The following CC2D2A variants were observed in gnomAD, a reference collection of about 807,000 sequenced individuals.
CC2D2A encodes the protein coiled-coil and C2 domain containing 2A.
Under a neutral mutation model 212.9 loss-of-function variants are expected in CC2D2A, and 155 were observed. The observed-to-expected ratio is 0.73, with a 90% confidence interval of 0.64 to 0.83. The LOEUF (loss-of-function observed/expected upper bound fraction) is 0.83, where lower values mean the gene tolerates loss of function less well. Ranked by LOEUF, CC2D2A falls within the 40% of genes least tolerant of loss-of-function variation. The pLI, the probability that CC2D2A is intolerant of heterozygous loss-of-function variation, is 0.00. For missense variants in CC2D2A, 1,856 were observed against 1,956.2 expected (o/e 0.95, Z 0.97); for synonymous variants, 667 against 686.5 (o/e 0.97, Z 0.44).
intron 27 of CC2D2A, among the ~76,000 whole-genome samples, chr4:15,569,815 G>T (rs1479583833): frequency 6.6e-6 from 1 of 152,136 alleles, no homozygotes; most frequent in Non-Finnish European, 1.5e-5. Flanking sequence ...AAGATACCGG[G>T]ATATCAGGAC....
At position 15,502,376 on chromosome 4, in the gene CC2D2A, C is replaced by CTTTTA; in HGVS notation, c.248-49_248-48insATTTT. On this transcript the variant is annotated intron_variant, in intron 4 of 36. Transcript: ENST00000424120. The stretch of plus-strand genomic sequence containing the variant: ...TTGTTTTAAAGTAATTTTCCTTTTT[C>CTTTTA]TTTTCTTTTTCTTTTTTTTTTATTT... 2.1e-6 allele frequency: 3 copies of CTTTTA among 1,430,010 alleles called. No homozygotes were observed. In the South Asian group the frequency reaches 4.1e-5, roughly 20 times the overall value. 88.6% of individuals were successfully genotyped at this position (1,430,010 alleles called of 1,614,324 possible). A position where few individuals can be genotyped will look rare whatever the true frequency, so the allele number is the denominator to read the frequency against.
Position 15,555,135 on chromosome 4 carries a change from A to G in CC2D2A, c.2550A>G (p.Lys850=). The change falls in exon 20 of 37, where the codon AAA becomes AAG. Residue 850 remains lysine, a synonymous_variant. Transcript: ENST00000424120. ...IGTSGLTDMK[K]LAKWAAESKL... ...CATCAGGACTGACAGACATGAAAAA[A>G]TTGGCCAAGTGGGCAGCAGAGTCCA... 1 of 1,613,870 alleles carries G rather than the reference A, an allele frequency of 6.2e-7. No homozygotes were observed.
At chr4:15,589,521 G>C (rs1458008090) in intron 32 of CC2D2A, 24 bp from the exon 33 acceptor site, 1 of 1,604,046 alleles carries the variant, frequency 6.2e-7, no homozygotes, top group African/African-American at 1.3e-5. Context: ...TTGAAAACTA[G>C]TTTTAATGGC....
At chr4:15,473,113 G>A (rs1713947905) in intron 1 of CC2D2A, 1 of 152,226 alleles carries the variant, frequency 6.6e-6, no homozygotes, top group East Asian at 1.9e-4. Flanking sequence ...CAATAAGTCA[G>A]TGACTTAATC....
intron 33 of CC2D2A, among the ~76,000 whole-genome samples, chr4:15,590,072 T>C (rs1721030286): frequency 6.6e-6 from 1 of 152,144 alleles, no homozygotes; most frequent in South Asian, 2.1e-4. Flanking sequence ...ACAGATTGGG[T>C]TTCTCTGTCT....
At chr4:15,590,343 C>T (rs200595961) in intron 33 of CC2D2A, among the ~76,000 whole-genome samples, 3 of 152,148 alleles carry the variant, frequency 2.0e-5, no homozygotes, top group East Asian at 1.9e-4. Flanking sequence ...GGCGAAACCC[C>T]GTCTCTACTG....
chr4:15,579,672 G>C (rs760745736), intron 29 of CC2D2A, among the ~76,000 whole-genome samples: 4 of 152,170 alleles, frequency 2.6e-5, no homozygotes, highest in Non-Finnish European at 4.4e-5. Context: ...ATCAGAATTA[G>C]TACATCACAG....
chr4:15,519,271 A>T (rs944108223), intron 11 of CC2D2A: 3 of 377,672 alleles, frequency 7.9e-6, no homozygotes, highest in African/African-American at 6.5e-5. Flanking sequence ...AAATATAACA[A>T]GTCACATTTG....
intron 23 of CC2D2A, 98 bp downstream of exon 23, chr4:15,560,720 G>A (rs1364175150): frequency 3.4e-5 from 20 of 588,584 alleles, no homozygotes; most frequent in Non-Finnish European, 4.1e-5. Context: ...AAAAATCATC[G>A]TATGGTATGC....
chr4:15,594,376 T>C (rs1011626480), intron 33 of CC2D2A, among the ~76,000 whole-genome samples: 1 of 152,154 alleles, frequency 6.6e-6, no homozygotes, highest in Non-Finnish European at 1.5e-5. Context: ...TTCAAACATT[T>C]ATTCTCAGGG....
chr4:15,504,980 T>C (rs1716174101), intron 6 of CC2D2A, among the ~76,000 whole-genome samples: 1 of 152,208 alleles, frequency 6.6e-6, no homozygotes, highest in Non-Finnish European at 1.5e-5. Context: ...ATGTGACCTT[T>C]GAGTTTAGCT....
chr4:15,596,802 T>C (rs1180373859), intron 34 of CC2D2A, among the ~76,000 whole-genome samples: 1 of 152,328 alleles, frequency 6.6e-6, no homozygotes. Flanking sequence ...AGTAGGAGCA[T>C]TGCTTGAAAT....
intron 19 of CC2D2A, 134 bp from the exon 20 acceptor site, chr4:15,554,938 T>C (rs1719202730): frequency 1.2e-6 from 1 of 868,366 alleles, no homozygotes; most frequent in Non-Finnish European, 1.8e-6. Flanking sequence ...AATGACAAAA[T>C]CCTTCCTTAT....
At position 15,563,342 on chromosome 4, in the gene CC2D2A, CT is replaced by C. The variant is rs2109065109; in HGVS notation, c.3015-12del. The stretch of plus-strand genomic sequence containing the variant: ...TTTTTCTTAGAGTCCTGATCCTGTT[CT>C]GTAATCATTAGCATTTTGGGCCTAA... On this transcript the variant is annotated splice_polypyrimidine_tract_variant and intron_variant, in intron 23 of 36. Transcript: ENST00000424120. 1 of 1,589,804 alleles carries C rather than the reference CT, an allele frequency of 6.3e-7. No individual in the cohort carries two copies. The highest frequency in any genetic ancestry group is 1.1e-5 in the South Asian group (1 of 87,504).
At position 15,563,520 on chromosome 4, in the gene CC2D2A, G is replaced by A; in HGVS notation, c.3180G>A (p.Val1060=). 6.2e-7 allele frequency: 1 copy of A among 1,611,246 alleles called. No individual in the cohort carries two copies. The highest frequency in any genetic ancestry group is 1.1e-5 in the South Asian group (1 of 90,320). Residue 1060 remains valine (V), a splice_region_variant and synonymous_variant, in exon 24 of 37, where the codon GTG becomes GTA. Transcript: ENST00000424120. Reference sequence around the variant, plus strand: ...ACATTCCAGTGAGGAAGCCGGCAGTGAGGTGAGAGCCCTCCCAACAGCCCG... The same window carrying A: ...ACATTCCAGTGAGGAAGCCGGCAGTAAGGTGAGAGCCCTCCCAACAGCCCG... ...AYDIPVRKPA[V]SKFQQPSRSS...
chr4:15,537,771 C>A, intron 15 of CC2D2A, 128 bp from the exon 16 acceptor site: 1 of 958,692 alleles, frequency 1.0e-6, no homozygotes, highest in Non-Finnish European at 1.5e-6. Flanking sequence ...TAGTGACCTG[C>A]CTGATTACAC....
At chr4:15,520,872 A>C (rs1472331734) in intron 11 of CC2D2A, among the ~76,000 whole-genome samples, 1 of 152,182 alleles carries the variant, frequency 6.6e-6, no homozygotes, top group African/African-American at 2.4e-5. Context: ...AACCTGGACT[A>C]AGGAACTTGG....
chr4:15,574,129 C>A, intron 28 of CC2D2A, 21 bp from the exon 29 acceptor site: 1 of 1,517,332 alleles, frequency 6.6e-7, no homozygotes, highest in Admixed American at 2.1e-5. Context: ...GGATGTTTAC[C>A]AAGTCATATT....
At chr4:15,528,154 A>C (rs551845870) in intron 12 of CC2D2A, among the ~76,000 whole-genome samples, 32 of 152,340 alleles carry the variant, frequency 2.1e-4, no homozygotes, top group African/African-American at 7.5e-4. Flanking sequence ...TTTTGACTAT[A>C]GGCAATTTTG....
Sources: allele counts gnomAD v4.1 joint callset (sites outside exome capture counted in the v4.1 genomes callset), GRCh38; gene constraint gnomAD v4.1.1; transcripts MANE v1.5; gene names NCBI Gene and HGNC (gene_info 2026-07-23, HGNC 2026-07-21).